SLC60A1: variants seen among roughly 807,000 people sequenced by gnomAD.
SLC60A1 encodes the protein major facilitator superfamily domain containing 4.
chr1:205,592,332 G>GC, the SLC60A1 span: 1 of 1,556,480 alleles, frequency 6.4e-7, no homozygotes, highest in Admixed American at 1.9e-5. Context: ...ATCTAGCTGG[G>GC]CGCCGCCGCC....
At chr1:205,582,903 A>T in the SLC60A1 span, among the ~76,000 whole-genome samples, 1 of 152,150 alleles carries the variant, frequency 6.6e-6, no homozygotes, top group Non-Finnish European at 1.5e-5. Context: ...GGGGCAGGGA[A>T]GGGCTCCCCC....
the SLC60A1 span, among the ~76,000 whole-genome samples, chr1:205,587,394 C>T: frequency 6.6e-6 from 1 of 152,036 alleles, no homozygotes; most frequent in Non-Finnish European, 1.5e-5. Flanking sequence ...TCATGATCCC[C>T]AAGAAAGGCC....
chr1:205,591,106 C>A, the SLC60A1 span, among the ~76,000 whole-genome samples: 1 of 152,172 alleles, frequency 6.6e-6, no homozygotes, highest in African/African-American at 2.4e-5. Context: ...TGACTCAATG[C>A]AGACATAAAA....
the SLC60A1 span, chr1:205,591,893 G>T: frequency 2.1e-6 from 1 of 482,956 alleles, no homozygotes; most frequent in Non-Finnish European, 3.8e-6. Context: ...TAGCTGTTAG[G>T]GGAGATGTCT....
At chr1:205,585,285 T>C in the SLC60A1 span, among the ~76,000 whole-genome samples, 29 of 152,064 alleles carry the variant, frequency 1.9e-4, no homozygotes, top group Non-Finnish European at 8.8e-5. This position sits in a 1 kb window ranked among gnomAD's most constrained non-coding sequence, Gnocchi z 4.2. Flanking sequence ...GCTACCTGCA[T>C]TTTTTAAAGG....
the SLC60A1 span, chr1:205,600,606 A>G: frequency 2.9e-6 from 2 of 699,098 alleles, no homozygotes; most frequent in East Asian, 5.5e-5. Flanking sequence ...GGTAGAGGAA[A>G]TTAAATTGAG....
the SLC60A1 span, chr1:205,598,881 A>C: frequency 1.9e-6 from 1 of 525,436 alleles, no homozygotes; most frequent in Non-Finnish European, 3.4e-6. Context: ...GTTCCAGAAC[A>C]CAGAGCTGCA....
the SLC60A1 span, chr1:205,585,036 C>G: frequency 6.7e-7 from 1 of 1,500,226 alleles, no homozygotes; most frequent in Non-Finnish European, 9.3e-7. This position sits in a 1 kb window ranked among gnomAD's most constrained non-coding sequence, Gnocchi z 4.2. Flanking sequence ...GACCCTTCAC[C>G]CCCAGACTCC....
the SLC60A1 span, chr1:205,602,401 C>T: frequency 6.5e-6 from 1 of 152,736 alleles, no homozygotes; most frequent in African/African-American, 2.4e-5. Flanking sequence ...TGAGGCTCTT[C>T]CAACCTCACT....
chr1:205,579,622 C>T, the SLC60A1 span: 24 of 1,058,582 alleles, frequency 2.3e-5, no homozygotes, highest in African/African-American at 3.6e-4. Context: ...CAGCTTCTTC[C>T]TCAGCTCTCT....
the SLC60A1 span, chr1:205,583,824 C>G: frequency 1.6e-6 from 2 of 1,268,474 alleles, no homozygotes; most frequent in South Asian, 3.4e-5. Context: ...GATGGCTCAG[C>G]TTTTAGCTGG....
chr1:205,585,118 T>C, the SLC60A1 span: 1 of 732,540 alleles, frequency 1.4e-6, no homozygotes, highest in Non-Finnish European at 2.3e-6. This position sits in a 1 kb window ranked among gnomAD's most constrained non-coding sequence, Gnocchi z 4.2. Flanking sequence ...TACACTTGAT[T>C]CAAAAATTTA....
At chr1:205,575,676 A>G in the SLC60A1 span, among the ~76,000 whole-genome samples, 1 of 152,310 alleles carries the variant, frequency 6.6e-6, no homozygotes, top group East Asian at 1.9e-4. Context: ...AGGCAGCTCC[A>G]GCAGAGCCAC....
chr1:205,580,471 C>A, the SLC60A1 span, among the ~76,000 whole-genome samples: 1 of 152,164 alleles, frequency 6.6e-6, no homozygotes, highest in East Asian at 1.9e-4. This position sits in a 1 kb window ranked among gnomAD's most constrained non-coding sequence, Gnocchi z 5.0. Context: ...CCTCACCTCC[C>A]CTCACCTCTC....
chr1:205,593,738 A>C, the SLC60A1 span, among the ~76,000 whole-genome samples: 1 of 152,160 alleles, frequency 6.6e-6, no homozygotes, highest in African/African-American at 2.4e-5. Flanking sequence ...AACCTCAAAC[A>C]ATAGAAGCAC....
the SLC60A1 span, chr1:205,584,826 G>A: frequency 5.1e-3 from 7,909 of 1,548,422 alleles, 196 homozygotes; most frequent in Admixed American, 0.062. Flanking sequence ...CATGCAGAGG[G>A]AGGGAGCAGA....
the SLC60A1 span, among the ~76,000 whole-genome samples, chr1:205,569,944 G>A: frequency 1.3e-5 from 2 of 151,890 alleles, no homozygotes; most frequent in African/African-American, 2.4e-5. Flanking sequence ...ATGGGCCCCC[G>A]AGACACACAG....
At chr1:205,593,186 T>C in the SLC60A1 span, among the ~76,000 whole-genome samples, 1 of 152,038 alleles carries the variant, frequency 6.6e-6, no homozygotes, top group Non-Finnish European at 1.5e-5. Context: ...ATAAGCGATT[T>C]CTGGCCGCGC....
At chr1:205,598,126 G>A in the SLC60A1 span, 4 of 364,030 alleles carry the variant, frequency 1.1e-5, no homozygotes, top group East Asian at 1.8e-4. Context: ...GAGGGGGCCC[G>A]TGGGAATGCT....
Sources: allele counts gnomAD v4.1 joint callset (sites outside exome capture counted in the v4.1 genomes callset), GRCh38; gene constraint gnomAD v4.1.1; non-coding constraint Gnocchi (gnomAD v3.1); transcripts MANE v1.5; gene names NCBI Gene and HGNC (gene_info 2026-07-23, HGNC 2026-07-21).